Variants in PRUNE2 observed in about 807,000 individuals in gnomAD.
The protein encoded by PRUNE2 is protein prune homolog 2.
A neutral mutation model predicts 252.0 loss-of-function variants in PRUNE2; 164 were observed. The observed-to-expected ratio is 0.65, with a 90% confidence interval of 0.57 to 0.74. The LOEUF (loss-of-function observed/expected upper bound fraction) is 0.74, where lower values mean the gene tolerates loss of function less well. Among genes scored for constraint, PRUNE2 ranks in the 30% least tolerant of loss-of-function variants. The pLI is 0.00. For synonymous variants in PRUNE2, 1,292 were observed against 1,350.2 expected (o/e 0.96, Z 0.94); for missense variants, 3,495 against 3,711.0 (o/e 0.94, Z 1.51).
chr9:76,803,426 G>T (rs2056704242), intron 6 of PRUNE2, among the ~76,000 whole-genome samples: 1 of 152,156 alleles, frequency 6.6e-6, no homozygotes, highest in Admixed American at 6.5e-5. Flanking sequence ...GCATTTGCAG[G>T]GTCCTGCTTG....
rs1429907862 is a variant in PRUNE2, at chr9:76,613,149, T to A, written c.*1421A>T. 1 of 152,248 alleles carries A rather than the reference T, an allele frequency of 6.6e-6. No individual in the cohort carries two copies. Among genetic ancestry groups the A allele is most frequent in the Non-Finnish European group, 1.5e-5 (1 of 68,048 alleles). 9.4% of individuals were successfully genotyped at this position (152,248 alleles called of 1,614,324 possible). A position where few individuals can be genotyped will look rare whatever the true frequency, so the allele number is the denominator to read the frequency against. On this transcript the variant is annotated 3_prime_UTR_variant, in exon 19 of 19. Transcript: ENST00000376718. Reference sequence around the variant, plus strand: ...AAGCCATTTCTTTTATTTCACTGTCTGTGGATGTCAAAACATTGATTTTTG... The same window carrying A: ...AAGCCATTTCTTTTATTTCACTGTCAGTGGATGTCAAAACATTGATTTTTG...
At chr9:76,824,914 T>C (rs752672686) in intron 5 of PRUNE2, among the ~76,000 whole-genome samples, 22 of 152,184 alleles carry the variant, frequency 1.4e-4, no homozygotes, top group Non-Finnish European at 2.2e-4. Flanking sequence ...TTTGGTGTCA[T>C]TGTGAAAATG....
chr9:76,703,767 AAGACATTTTCTCTGCAGAG>A lies in PRUNE2; in HGVS notation c.7827_7845del (p.Ser2610LeufsTer65). The A allele has an allele frequency of 1.2e-6, 2 of 1,613,774 alleles. No individual in the cohort carries two copies. Among genetic ancestry groups the A allele is most frequent in the Middle Eastern group, 3.3e-4 (2 of 6,062 alleles). ...AAAGATGATCTCGTATCGCTTTTAG[AAGACATTTTCTCTGCAGAG>A]AGACCTTTTCTTTCATTTAAGGAGG... On this transcript the variant is annotated frameshift_variant, in exon 9 of 19. Transcript: ENST00000376718. LOFTEE classifies it high-confidence loss of function.
At chr9:76,713,138 C>G (rs1398425879) in intron 7 of PRUNE2, among the ~76,000 whole-genome samples, 1 of 151,636 alleles carries the variant, frequency 6.6e-6, no homozygotes, top group African/African-American at 2.4e-5. Flanking sequence ...TGGAGGATAA[C>G]TGATTACCTA....
intron 1 of PRUNE2, among the ~76,000 whole-genome samples, chr9:76,878,695 T>C (rs1285554574): frequency 6.6e-6 from 1 of 152,206 alleles, no homozygotes; most frequent in African/African-American, 2.4e-5. Context: ...ACCATTAGGA[T>C]TAGAGCATTT....
chr9:76,666,759 CTT>C (rs1281214430), intron 9 of PRUNE2, among the ~76,000 whole-genome samples: 2 of 152,176 alleles, frequency 1.3e-5, no homozygotes, highest in African/African-American at 2.4e-5. Flanking sequence ...TCTTTTATCT[CTT>C]TGTCTTGTGT....
chr9:76,873,200 G>C (rs2061313193), intron 1 of PRUNE2, among the ~76,000 whole-genome samples: 1 of 152,056 alleles, frequency 6.6e-6, no homozygotes, highest in South Asian at 2.1e-4. Context: ...AATTTCTGTT[G>C]TTTAAGCCAC....
chr9:76,642,103 TC>T, intron 12 of PRUNE2: 1 of 773,220 alleles, frequency 1.3e-6, no homozygotes, highest in Non-Finnish European at 2.0e-6. Flanking sequence ...AGCTCCAAGT[TC>T]AAAAAAAAAG....
chr9:76,643,979 C>T (rs1040977814), intron 12 of PRUNE2, among the ~76,000 whole-genome samples: 2 of 152,114 alleles, frequency 1.3e-5, no homozygotes, highest in African/African-American at 2.4e-5. Context: ...ACAGTGGCAC[C>T]TCAGGCTCGG....
intron 4 of PRUNE2, among the ~76,000 whole-genome samples, chr9:76,834,210 C>G (rs1474591187): frequency 6.6e-6 from 1 of 152,092 alleles, no homozygotes; most frequent in Non-Finnish European, 1.5e-5. Context: ...CTTATTCTTA[C>G]TCAACACCAC....
intron 9 of PRUNE2, among the ~76,000 whole-genome samples, chr9:76,659,764 T>C (rs1467430451): frequency 6.6e-6 from 1 of 152,026 alleles, no homozygotes; most frequent in Non-Finnish European, 1.5e-5. Context: ...TTTTGGAGCA[T>C]TTTAGATTTC....
At position 76,703,957 on chromosome 9, in the gene PRUNE2, A is replaced by T; in HGVS notation, c.7656T>A (p.Leu2552=). ...AGTGTGAATTTTCTTCACGGTTTACAAGTATGTAATCCATGTGTAGTGCAT... is the reference window on the plus strand; with the variant it reads ...AGTGTGAATTTTCTTCACGGTTTACTAGTATGTAATCCATGTGTAGTGCAT... The part of the protein sequence containing the change: ...DRHALHMDYI[L]VNREENSHSK... The change falls in exon 9 of 19, where the codon CTT becomes CTA. Residue 2552 remains leucine, a synonymous_variant. Transcript: ENST00000376718. The T allele has an allele frequency of 6.2e-7, 1 of 1,613,956 alleles. No homozygotes were observed. The highest frequency in any genetic ancestry group is 8.5e-7 in the Non-Finnish European group (1 of 1,179,862).
intron 6 of PRUNE2, among the ~76,000 whole-genome samples, chr9:76,770,193 C>T (rs982378731): frequency 6.6e-6 from 1 of 152,070 alleles, no homozygotes; most frequent in Non-Finnish European, 1.5e-5. Flanking sequence ...TCATTTGAGG[C>T]AACATTCTTT....
intron 6 of PRUNE2, among the ~76,000 whole-genome samples, chr9:76,747,106 C>T (rs1349526063): frequency 2.0e-5 from 3 of 152,166 alleles, no homozygotes; most frequent in Non-Finnish European, 4.4e-5. Flanking sequence ...CTGCTGCTAA[C>T]TCAGGCTAGA....
At position 76,637,440 on chromosome 9, in the gene PRUNE2, A is replaced by T. The variant is rs1840653594; in HGVS notation, c.8941T>A (p.Cys2981Ser). Residue 2981 changes from cysteine to serine, a missense_variant, in exon 14 of 19, where the codon TGC (cysteine) becomes AGC (serine). Transcript: ENST00000376718. Reference protein sequence around the residue: ...RMPGLGWMKKCYQMIDRRLRK... With the variant: ...RMPGLGWMKKSYQMIDRRLRK... ...TACCGTCTGTCAATCATCTGGTAGC[A>T]TTTCTTCATCCAGCCTAGCCCTGGC... The T allele has an allele frequency of 6.2e-7, 1 of 1,613,596 alleles. No individual in the cohort carries two copies. The highest frequency in any genetic ancestry group is 8.5e-7 in the Non-Finnish European group (1 of 1,179,812).
chr9:76,837,994 A>C (rs1216390040), intron 4 of PRUNE2, among the ~76,000 whole-genome samples: 3 of 151,816 alleles, frequency 2.0e-5, no homozygotes, highest in Admixed American at 6.6e-5. Context: ...GATGGTCTCG[A>C]TCTCCTGACC....
rs750435485 is a variant in PRUNE2, at chr9:76,710,319, C to G, written c.1955G>C (p.Arg652Pro). ...GHMGPPQTHA[R>P]CSSWWGGLEI... Reference sequence around the variant, plus strand: ...CAAACCACCCCACCAGCTGCTGCACCGTGCATGGGTCTGAGGTGGCCCCAT... The same window carrying G: ...CAAACCACCCCACCAGCTGCTGCACGGTGCATGGGTCTGAGGTGGCCCCAT... Residue 652 changes from arginine to proline, a missense_variant, in exon 8 of 19, where the codon CGG (arginine) becomes CCG (proline). Transcript: ENST00000376718. 6 of 1,613,960 alleles carry G rather than the reference C, an allele frequency of 3.7e-6. No individual in the cohort carries two copies. Among genetic ancestry groups the G allele is most frequent in the Non-Finnish European group, 5.1e-6 (6 of 1,179,890 alleles).
rs762989142 is a variant in PRUNE2, at chr9:76,705,108, A to G, written c.7166T>C (p.Leu2389Pro). The G allele has an allele frequency of 3.1e-6, 5 of 1,614,034 alleles. No homozygotes were observed. In the East Asian group the frequency reaches 1.1e-4, roughly 36 times the overall value. The change falls in exon 8 of 19, where the codon CTG becomes CCG. Residue 2389 changes from leucine (L) to proline (P), a missense_variant. By Grantham distance (98) the Leu-to-Pro change is moderately conservative (BLOSUM62 -3). Transcript: ENST00000376718. ...PLEEDSLKQS[L>P]APYTPPFDLS... is the part of the protein sequence containing the mutation. ...ATCAAAGGGAGGTGTGTACGGTGCCAGCGACTGCTTCAGAGAATCTTCCTC... is the reference window on the plus strand; with the variant it reads ...ATCAAAGGGAGGTGTGTACGGTGCCGGCGACTGCTTCAGAGAATCTTCCTC...
intron 4 of PRUNE2, among the ~76,000 whole-genome samples, chr9:76,831,719 T>C (rs2058686081): frequency 6.6e-6 from 1 of 151,902 alleles, no homozygotes; most frequent in South Asian, 2.1e-4. Flanking sequence ...AAGAAGAAAA[T>C]GTGTGACAAG....
Sources: allele counts gnomAD v4.1 joint callset (sites outside exome capture counted in the v4.1 genomes callset), GRCh38; gene constraint gnomAD v4.1.1; transcripts MANE v1.5; gene names NCBI Gene and HGNC (gene_info 2026-07-23, HGNC 2026-07-21).